DOCK4: variants seen among roughly 807,000 people sequenced by gnomAD.
DOCK4 encodes the protein dedicator of cytokinesis protein 4.
In DOCK4, 97 loss-of-function variants were observed where a neutral mutation model predicts 268.1. That is an observed-to-expected ratio of 0.36 (90% CI 0.31 to 0.43). DOCK4 has a LOEUF of 0.43. Ranked by LOEUF, DOCK4 falls within the 20% of genes least tolerant of loss-of-function variation. DOCK4 has a pLI of 1.00. For missense variants in DOCK4, 2,145 were observed against 2,455.7 expected (o/e 0.87, Z 2.67); for synonymous variants, 954 against 887.2 (o/e 1.08, Z -1.34).
chr7:111,730,718 C>T (rs1327037673), intron 52 of DOCK4, among the ~76,000 whole-genome samples: 1 of 151,998 alleles, frequency 6.6e-6, no homozygotes, highest in Non-Finnish European at 1.5e-5. Context: ...GCAGTGTGCC[C>T]CCTAATGTAA....
At chr7:111,903,390 C>A (rs2134433343) in intron 13 of DOCK4, among the ~76,000 whole-genome samples, 1 of 152,318 alleles carries the variant, frequency 6.6e-6, no homozygotes, top group South Asian at 2.1e-4. Context: ...TTCTAGTACT[C>A]TTATACAGCT....
At chr7:111,849,291 CT>C (rs961716686) in intron 23 of DOCK4, among the ~76,000 whole-genome samples, 4 of 137,512 alleles carry the variant, frequency 2.9e-5, no homozygotes, top group African/African-American at 1.1e-4. Context: ...GAGACGGAGT[CT>C]TGCTCTGTTG....
At chr7:111,778,873 G>A (rs780729263) in intron 35 of DOCK4, among the ~76,000 whole-genome samples, 1 of 152,000 alleles carries the variant, frequency 6.6e-6, no homozygotes, top group Non-Finnish European at 1.5e-5. Context: ...TGGCCAACAT[G>A]GTGAAACCCC....
chr7:111,872,797 C>A, intron 17 of DOCK4, among the ~76,000 whole-genome samples: 1 of 152,198 alleles, frequency 6.6e-6, no homozygotes, highest in East Asian at 1.9e-4. Flanking sequence ...ATCCTTTAGT[C>A]CTCAGATCGG....
At chr7:112,149,223 G>A (rs964700666) in intron 1 of DOCK4, among the ~76,000 whole-genome samples, 1 of 152,062 alleles carries the variant, frequency 6.6e-6, no homozygotes, top group African/African-American at 2.4e-5. Context: ...AGAGGATGGC[G>A]CTGCCATCCC....
At chr7:112,058,609 T>C (rs923026724) in intron 1 of DOCK4, among the ~76,000 whole-genome samples, 2 of 152,180 alleles carry the variant, frequency 1.3e-5, no homozygotes, top group South Asian at 2.1e-4. Flanking sequence ...AAAGGCCTCA[T>C]GTAGCCAATT....
intron 30 of DOCK4, among the ~76,000 whole-genome samples, chr7:111,797,749 A>G (rs1328833580): frequency 6.6e-6 from 1 of 152,182 alleles, no homozygotes; most frequent in African/African-American, 2.4e-5. Flanking sequence ...ATTACTCTAA[A>G]CTGTCTATAA....
intron 4 of DOCK4, among the ~76,000 whole-genome samples, chr7:111,995,437 G>GTGTGTT (rs1562971783): frequency 2.0e-5 from 2 of 99,244 alleles, no homozygotes; most frequent in African/African-American, 9.3e-5. Context: ...GTGTGTGTGT[G>GTGTGTT]TGTGTGTGTG....
intron 1 of DOCK4, among the ~76,000 whole-genome samples, chr7:112,197,691 C>CA (rs1241932853): frequency 3.9e-5 from 6 of 152,130 alleles, no homozygotes; most frequent in African/African-American, 9.7e-5. Flanking sequence ...AATTTGGGGT[C>CA]TGTCATGTTA....
At chr7:111,733,638 C>T (rs1448995615) in intron 51 of DOCK4, among the ~76,000 whole-genome samples, 1 of 152,106 alleles carries the variant, frequency 6.6e-6, no homozygotes, top group Admixed American at 6.6e-5. Flanking sequence ...CATGGTGGCC[C>T]CTGCAACCAC....
At chr7:112,165,842 C>A (rs1817567668) in intron 1 of DOCK4, among the ~76,000 whole-genome samples, 1 of 152,030 alleles carries the variant, frequency 6.6e-6, no homozygotes, top group Non-Finnish European at 1.5e-5. Context: ...GATCAAAGAA[C>A]CCTACTGCTT....
At chr7:112,161,664 G>C (rs1817140412) in intron 1 of DOCK4, among the ~76,000 whole-genome samples, 1 of 152,184 alleles carries the variant, frequency 6.6e-6, no homozygotes, top group African/African-American at 2.4e-5. Flanking sequence ...TGATGTCAGA[G>C]ATGCTTTACT....
intron 38 of DOCK4, among the ~76,000 whole-genome samples, chr7:111,765,858 A>C (rs1797728849): frequency 1.3e-5 from 2 of 152,218 alleles, no homozygotes; most frequent in African/African-American, 2.4e-5. Context: ...TTTCCCATTC[A>C]TGGTATTATC....
At chr7:112,028,725 G>A (rs1490571396) in intron 1 of DOCK4, among the ~76,000 whole-genome samples, 1 of 152,202 alleles carries the variant, frequency 6.6e-6, no homozygotes, top group Non-Finnish European at 1.5e-5. Context: ...CTCTGACACA[G>A]TCAGCTGCAC....
intron 14 of DOCK4, 33 bp from the exon 15 acceptor site, chr7:111,900,569 A>G (rs748518954): frequency 2.5e-6 from 4 of 1,585,606 alleles, no homozygotes; most frequent in Non-Finnish European, 3.4e-6. Flanking sequence ...GGTTAAAGAG[A>G]GCTTCATCTA....
At chr7:111,986,566 C>T (rs914461389) in intron 6 of DOCK4, among the ~76,000 whole-genome samples, 3 of 152,060 alleles carry the variant, frequency 2.0e-5, no homozygotes, top group African/African-American at 4.8e-5. Flanking sequence ...GAGAGGAGAT[C>T]ACACAGGGAG....
Position 111,726,388 on chromosome 7 carries a change from T to C in DOCK4, c.*1886A>G, listed in dbSNP as rs1408569995. ...GGAAATCAAGGAAGCTTTGTTATCT[T>C]ATGCATGTCATCTTATTTAAATGGA... On this transcript the variant is annotated 3_prime_UTR_variant, in exon 53 of 53. Transcript: ENST00000428084. 6.6e-6 allele frequency: 1 copy of C among 152,522 alleles called. No individual in the cohort carries two copies. Among genetic ancestry groups the C allele is most frequent in the Non-Finnish European group, 1.5e-5 (1 of 68,034 alleles). The allele number at this position is 152,522 out of a possible 1,614,324, so 9.4% of individuals were successfully genotyped here.
chr7:111,787,643 C>A, intron 32 of DOCK4, among the ~76,000 whole-genome samples: 1 of 152,004 alleles, frequency 6.6e-6, no homozygotes, highest in South Asian at 2.1e-4. Context: ...ATTCTTCAAG[C>A]CTATATATTA....
At chr7:111,952,202 T>A (rs1419866366) in intron 8 of DOCK4, among the ~76,000 whole-genome samples, 1 of 152,144 alleles carries the variant, frequency 6.6e-6, no homozygotes, top group East Asian at 1.9e-4. Flanking sequence ...AAATTACACC[T>A]GTGACCAACT....
Sources: allele counts gnomAD v4.1 joint callset (sites outside exome capture counted in the v4.1 genomes callset), GRCh38; gene constraint gnomAD v4.1.1; transcripts MANE v1.5; gene names NCBI Gene and HGNC (gene_info 2026-07-23, HGNC 2026-07-21).